The following MBOAT2 variants were observed in gnomAD, a reference collection of about 807,000 sequenced individuals.
The protein encoded by MBOAT2 is membrane bound glycerophospholipid O-acyltransferase 2, also known as membrane-bound glycerophospholipid O-acyltransferase 2.
A neutral mutation model predicts 63.4 loss-of-function variants in MBOAT2; 28 were observed. The ratio of observed to expected loss-of-function variants is 0.44; its 90% confidence interval spans 0.33 to 0.61. MBOAT2 has a LOEUF of 0.61. Among genes scored for constraint, MBOAT2 ranks in the 20% least tolerant of loss-of-function variants. The pLI is 0.03. For synonymous variants in MBOAT2, 211 were observed against 215.6 expected, an observed-to-expected ratio of 0.98 and a Z score of 0.19; for missense variants, 470 against 605.8, an observed-to-expected ratio of 0.78 and a Z score of 2.35.
intron 1 of MBOAT2, among the ~76,000 whole-genome samples, chr2:8,965,668 C>A (rs913735144): frequency 6.6e-6 from 1 of 152,136 alleles, no homozygotes; most frequent in Non-Finnish European, 1.5e-5. Flanking sequence ...CTTACTAGAA[C>A]ACGAGAAAGG....
chr2:8,950,632 T>G (rs2103257262), intron 2 of MBOAT2, among the ~76,000 whole-genome samples: 1 of 152,272 alleles, frequency 6.6e-6, no homozygotes, highest in South Asian at 2.1e-4. Context: ...TTTCACCGTG[T>G]TAGCCAGGAT....
At chr2:8,912,373 G>GAGAAAGAAAGAAAGAAAGAAAGAAAGAA (rs139345161) in intron 3 of MBOAT2, among the ~76,000 whole-genome samples, 16 of 84,356 alleles carry the variant, frequency 1.9e-4, no homozygotes, top group East Asian at 6.9e-4. Flanking sequence ...AAGAAAGAAA[G>GAGAAAGAAAGAAAGAAAGAAAGAAAGAA]AGAAAGAAAG....
At chr2:8,938,344 A>G (rs1573104754) in intron 3 of MBOAT2, among the ~76,000 whole-genome samples, 1 of 151,574 alleles carries the variant, frequency 6.6e-6, no homozygotes, top group Admixed American at 6.6e-5. Context: ...CCCCACCCCC[A>G]CCAAGCTCAT....
At chr2:8,996,678 T>G (rs1225365767) in intron 1 of MBOAT2, among the ~76,000 whole-genome samples, 1 of 152,188 alleles carries the variant, frequency 6.6e-6, no homozygotes, top group Non-Finnish European at 1.5e-5. Flanking sequence ...TTCTGCTCCT[T>G]CCTTCCCTCT....
chr2:8,910,735 G>A (rs1351791048), intron 3 of MBOAT2, among the ~76,000 whole-genome samples: 1 of 152,162 alleles, frequency 6.6e-6, no homozygotes, highest in Non-Finnish European at 1.5e-5. Context: ...TGTAGTTTCT[G>A]TCTAATGTAG....
intron 4 of MBOAT2, among the ~76,000 whole-genome samples, chr2:8,891,451 G>A (rs757188482): frequency 6.6e-6 from 1 of 152,192 alleles, no homozygotes; most frequent in Non-Finnish European, 1.5e-5. Flanking sequence ...CAGCAGGAAC[G>A]ACTGTGCAGG....
At chr2:8,943,645 C>T (rs1054417846) in intron 2 of MBOAT2, among the ~76,000 whole-genome samples, 2 of 152,156 alleles carry the variant, frequency 1.3e-5, no homozygotes, top group Non-Finnish European at 2.9e-5. Context: ...GTTGTTTCCC[C>T]AAACTAGTTT....
chr2:8,968,931 T>C (rs1670229047), intron 1 of MBOAT2, among the ~76,000 whole-genome samples: 1 of 152,012 alleles, frequency 6.6e-6, no homozygotes. Flanking sequence ...ACGGGGAGAA[T>C]GGAACCAAGT....
At chr2:8,890,114 G>A (rs934603774) in intron 4 of MBOAT2, among the ~76,000 whole-genome samples, 8 of 152,168 alleles carry the variant, frequency 5.3e-5, no homozygotes, top group African/African-American at 1.7e-4. Context: ...GCAGGAAACA[G>A]ACCTGAATAC....
intron 3 of MBOAT2, among the ~76,000 whole-genome samples, chr2:8,930,121 A>G (rs895992909): frequency 1.3e-5 from 2 of 152,208 alleles, no homozygotes; most frequent in Admixed American, 6.5e-5. Flanking sequence ...CTCCTTTGCC[A>G]TGCCGCTGCA....
In MBOAT2 at chr2:8,948,442, GT is replaced by G. The variant is rs1206915795; in HGVS notation, c.222-5179del. On this transcript the variant is annotated intron_variant, in intron 2 of 12. Coordinates refer to ENST00000305997, the MANE Select transcript of MBOAT2 (RefSeq NM_138799.4). Reference sequence around the variant, plus strand: ...GGGTATGAATGATCCCCTCACCCAGGTACTGAGCATAGTACCCAACAGTTAG... The same window carrying G: ...GGGTATGAATGATCCCCTCACCCAGGACTGAGCATAGTACCCAACAGTTAG... Among the ~76,000 whole-genome samples the G allele has an allele frequency of 2.0e-5, 3 of 152,084 alleles. No homozygotes were observed. In the East Asian group the frequency reaches 5.8e-4, roughly 29 times the overall value.
intron 1 of MBOAT2, among the ~76,000 whole-genome samples, chr2:8,971,201 G>A (rs1256799115): frequency 6.6e-6 from 1 of 152,184 alleles, no homozygotes; most frequent in African/African-American, 2.4e-5. Context: ...GGGATGCAAG[G>A]CTGGTTTAAC....
chr2:8,929,773 A>G (rs1285612249), intron 3 of MBOAT2, among the ~76,000 whole-genome samples: 1 of 152,172 alleles, frequency 6.6e-6, no homozygotes, highest in Admixed American at 6.5e-5. Flanking sequence ...TGGTTATTTG[A>G]GAGGAGGTTC....
chr2:8,939,427 G>A (rs1045383792), intron 3 of MBOAT2, among the ~76,000 whole-genome samples: 1 of 152,242 alleles, frequency 6.6e-6, no homozygotes, highest in African/African-American at 2.4e-5. Context: ...GCAGGACAGA[G>A]TCCGATGGCA....
intron 9 of MBOAT2, among the ~76,000 whole-genome samples, chr2:8,866,698 G>A (rs756702411): frequency 3.3e-5 from 5 of 152,180 alleles, no homozygotes; most frequent in Non-Finnish European, 5.9e-5. Context: ...TCCCAAAAAA[G>A]TTCATACAGT....
At position 8,855,124 on chromosome 2, in the gene MBOAT2, T is replaced by A. The variant is rs900099249; in HGVS notation, c.*3555A>T. Reference sequence around the variant, plus strand: ...AAGGGATTCAGAGGTTTCACTGTTATCATGACAACCTTTTGAAATGTCAGG... The same window carrying A: ...AAGGGATTCAGAGGTTTCACTGTTAACATGACAACCTTTTGAAATGTCAGG... On this transcript the variant is annotated 3_prime_UTR_variant, in exon 13 of 13. Transcript: ENST00000305997. The A allele has an allele frequency of 1.3e-4, 20 of 152,364 alleles. No individual in the cohort carries two copies. Among genetic ancestry groups the A allele is most frequent in the Middle Eastern group, 3.4e-3 (1 of 294 alleles). The allele number at this position is 152,364 out of a possible 1,614,324, so 9.4% of individuals were successfully genotyped here. A position where few individuals can be genotyped will look rare whatever the true frequency, so the allele number is the denominator to read the frequency against.
intron 5 of MBOAT2, among the ~76,000 whole-genome samples, chr2:8,885,243 T>C (rs1443308053): frequency 6.6e-6 from 1 of 152,224 alleles, no homozygotes; most frequent in Non-Finnish European, 1.5e-5. Flanking sequence ...ACTGATTATC[T>C]CCATGGGTGG....
At chr2:8,870,829 T>G (rs1662261922) in intron 8 of MBOAT2, among the ~76,000 whole-genome samples, 1 of 152,256 alleles carries the variant, frequency 6.6e-6, no homozygotes, top group South Asian at 2.1e-4. Flanking sequence ...TATGATTATT[T>G]CTTTAAGGAA....
At chr2:8,955,580 T>C (rs1032887194) in intron 2 of MBOAT2, among the ~76,000 whole-genome samples, 1 of 152,222 alleles carries the variant, frequency 6.6e-6, no homozygotes, top group Non-Finnish European at 1.5e-5. Flanking sequence ...TATTTCCAAG[T>C]GGCTGAGGAA....
Sources: allele counts gnomAD v4.1 joint callset (sites outside exome capture counted in the v4.1 genomes callset), GRCh38; gene constraint gnomAD v4.1.1; transcripts MANE v1.5; gene names NCBI Gene and HGNC (gene_info 2026-07-23, HGNC 2026-07-21).